The following PHACTR3 variants were observed in gnomAD, a reference collection of about 807,000 sequenced individuals.
PHACTR3 encodes protein phosphatase 1, regulatory subunit 123.
In PHACTR3, 16 loss-of-function variants were observed where a neutral mutation model predicts 66.8. The observed-to-expected ratio is 0.24, with a 90% CI of 0.16 to 0.36. The LOEUF (loss-of-function observed/expected upper bound fraction) is 0.36. Among genes scored for constraint, PHACTR3 ranks in the 10% least tolerant of loss-of-function variants. The pLI, the probability that PHACTR3 is intolerant of heterozygous loss-of-function variation, is 1.00. For synonymous variants in PHACTR3, 323 were observed against 292.1 expected (o/e 1.11, Z -1.08); for missense variants, 647 against 719.9 (o/e 0.90, Z 1.16).
intron 1 of PHACTR3, among the ~76,000 whole-genome samples, chr20:59,632,610 C>T (rs1003768872): frequency 2.6e-5 from 4 of 152,166 alleles, no homozygotes; most frequent in African/African-American, 7.2e-5. Context: ...CTGGATCCAG[C>T]GTGTGTGAAG....
At chr20:59,671,880 A>C (rs2036206443) in intron 1 of PHACTR3, among the ~76,000 whole-genome samples, 1 of 152,220 alleles carries the variant, frequency 6.6e-6, no homozygotes, top group Non-Finnish European at 1.5e-5. Context: ...CACCTCACCT[A>C]CTTACCTGTG....
intron 7 of PHACTR3, among the ~76,000 whole-genome samples, chr20:59,792,245 T>C (rs568816487): frequency 6.6e-6 from 1 of 152,248 alleles, no homozygotes; most frequent in Non-Finnish European, 1.5e-5. Context: ...TGGGTTGTTT[T>C]TAGTTATTAC....
chr20:59,584,486 G>A (rs2032961485), intron 1 of PHACTR3, among the ~76,000 whole-genome samples: 1 of 152,114 alleles, frequency 6.6e-6, no homozygotes, highest in Non-Finnish European at 1.5e-5. Context: ...GTGTGTATAT[G>A]AGCAAGTGTG....
At chr20:59,781,578 C>T (rs1003007443) in intron 7 of PHACTR3, among the ~76,000 whole-genome samples, 2 of 152,148 alleles carry the variant, frequency 1.3e-5, no homozygotes, top group Non-Finnish European at 2.9e-5. Context: ...GGTAGCCCTG[C>T]TGCCAAGGTT....
intron 1 of PHACTR3, among the ~76,000 whole-genome samples, chr20:59,684,186 G>A (rs1355980182): frequency 6.6e-6 from 1 of 152,148 alleles, no homozygotes; most frequent in East Asian, 1.9e-4. Flanking sequence ...TCTCACTGGG[G>A]CTCATATCTT....
intron 1 of PHACTR3, among the ~76,000 whole-genome samples, chr20:59,683,302 A>T (rs2036732234): frequency 6.6e-6 from 1 of 152,190 alleles, no homozygotes; most frequent in Non-Finnish European, 1.5e-5. Flanking sequence ...CCGTGCAAAG[A>T]TGACAAATTG....
rs1340693571 is a variant in PHACTR3 at position 59,755,369 on chromosome 20, T to C, written c.541+5T>C. On this transcript the variant is annotated splice_donor_5th_base_variant and intron_variant, in intron 4 of 12. Transcript: ENST00000371015. ...CTGCCCACTTGGACGATGCAGGTACTGGCTGGAGACCACGCGAAGTTGAGC... is the reference window on the plus strand; with the variant it reads ...CTGCCCACTTGGACGATGCAGGTACCGGCTGGAGACCACGCGAAGTTGAGC... The C allele has an allele frequency of 1.9e-6, 3 of 1,612,598 alleles. No individual in the cohort carries two copies. In the African/African-American group the frequency reaches 4.0e-5, roughly 22 times the overall value.
At chr20:59,639,319 A>C (rs1364099905) in intron 1 of PHACTR3, among the ~76,000 whole-genome samples, 1 of 152,176 alleles carries the variant, frequency 6.6e-6, no homozygotes, top group African/African-American at 2.4e-5. Context: ...TGCTGACATT[A>C]GCTCCTGGAG....
chr20:59,821,739 T>TAG (rs2042032067), intron 8 of PHACTR3, among the ~76,000 whole-genome samples: 1 of 152,124 alleles, frequency 6.6e-6, no homozygotes, highest in South Asian at 2.1e-4. Context: ...GTAGCAATGA[T>TAG]TTCTAAGTGA....
At chr20:59,672,561 G>A (rs1315415785) in intron 1 of PHACTR3, among the ~76,000 whole-genome samples, 1 of 152,150 alleles carries the variant, frequency 6.6e-6, no homozygotes, top group Non-Finnish European at 1.5e-5. Context: ...TTCCTCATCT[G>A]GGCATCAAGA....
At chr20:59,615,001 T>C (rs968849966) in intron 1 of PHACTR3, among the ~76,000 whole-genome samples, 1 of 152,194 alleles carries the variant, frequency 6.6e-6, no homozygotes, top group African/African-American at 2.4e-5. Context: ...GTGTCAGGAC[T>C]GTCTTGTCAC....
At chr20:59,659,287 A>G (rs1205630843) in intron 1 of PHACTR3, among the ~76,000 whole-genome samples, 1 of 152,054 alleles carries the variant, frequency 6.6e-6, no homozygotes, top group African/African-American at 2.4e-5. Flanking sequence ...TTCTGTGTCA[A>G]ATAACAGCAC....
chr20:59,717,137 C>T (rs2038122976), intron 1 of PHACTR3, among the ~76,000 whole-genome samples: 2 of 152,158 alleles, frequency 1.3e-5, no homozygotes, highest in African/African-American at 4.8e-5. Context: ...TTGTTTCCAA[C>T]ACAAACAGTA....
At position 59,773,415 on chromosome 20, in the gene PHACTR3, G is replaced by A; in HGVS notation, c.888G>A (p.Glu296=). 1 of 1,613,840 alleles carries A rather than the reference G, an allele frequency of 6.2e-7. No homozygotes were observed. Among genetic ancestry groups the A allele is most frequent in the South Asian group, 1.1e-5 (1 of 91,050 alleles). The change falls in exon 6 of 13, where the codon GAG becomes GAA. Residue 296 remains glutamate, a synonymous_variant. Transcript: ENST00000371015. ...TTCCCCCAAGCCGCGTCATTGAGGA[G>A]CTGCACAGGGCGCTGGCCACGAAGC... is the stretch of plus-strand genomic sequence containing the variant. The part of the protein sequence containing the change: ...RPLPPSRVIE[E]LHRALATKHR...
chr20:59,778,181 A>G (rs1156508214), intron 7 of PHACTR3, among the ~76,000 whole-genome samples: 1 of 151,974 alleles, frequency 6.6e-6, no homozygotes, highest in Non-Finnish European at 1.5e-5. Context: ...CTGTGCCACC[A>G]TTGCCCCATT....
chr20:59,645,545 C>G (rs1294550348), intron 1 of PHACTR3, among the ~76,000 whole-genome samples: 2 of 152,150 alleles, frequency 1.3e-5, no homozygotes, highest in Admixed American at 1.3e-4. Flanking sequence ...GCCTGGACCT[C>G]TCCTCGTCCT....
intron 1 of PHACTR3, among the ~76,000 whole-genome samples, chr20:59,592,760 T>A (rs539866991): frequency 1.3e-5 from 2 of 152,358 alleles, no homozygotes; most frequent in East Asian, 3.9e-4. Context: ...TGTGGCCTTT[T>A]CAGATTGGTT....
chr20:59,649,778 A>G (rs1327153441), intron 1 of PHACTR3, among the ~76,000 whole-genome samples: 1 of 152,142 alleles, frequency 6.6e-6, no homozygotes, highest in African/African-American at 2.4e-5. Context: ...GTCCCTAACC[A>G]CTCAATCAAT....
At chr20:59,712,247 C>A (rs1463743149) in intron 1 of PHACTR3, among the ~76,000 whole-genome samples, 1 of 152,050 alleles carries the variant, frequency 6.6e-6, no homozygotes, top group Non-Finnish European at 1.5e-5. Flanking sequence ...TGTGACTTTT[C>A]CCCAAATATC....
Sources: gnomAD v4.1 joint callset for allele counts (sites outside exome capture counted in the v4.1 genomes callset) on GRCh38, gnomAD v4.1.1 for gene constraint, MANE v1.5 for transcripts, NCBI Gene and HGNC (gene_info 2026-07-23, HGNC 2026-07-21) for gene names.